Variants in ANKRD26 observed in about 807,000 individuals in gnomAD.
The protein encoded by ANKRD26 is ankyrin repeat domain 26.
A neutral mutation model predicts 208.7 loss-of-function variants in ANKRD26; 141 were observed. The ratio of observed to expected loss-of-function variants is 0.68; its 90% CI spans 0.59 to 0.78. The LOEUF is 0.78. ANKRD26 is among the 30% of genes least tolerant of loss of function. ANKRD26 has a pLI of 0.00. For synonymous variants in ANKRD26, 636 were observed against 660.4 expected (o/e 0.96, Z 0.57); for missense variants, 1,889 against 1,938.7 (o/e 0.97, Z 0.48).
At chr10:27,033,807 T>C (rs1358598851) in intron 24 of ANKRD26, among the ~76,000 whole-genome samples, 1 of 152,172 alleles carries the variant, frequency 6.6e-6, no homozygotes, top group African/African-American at 2.4e-5. Context: ...ATTATTCCAA[T>C]AGATTCCTAT....
At chr10:26,992,752 G>C (rs989923289) in intron 5 of ANKRD26, among the ~76,000 whole-genome samples, 1 of 152,074 alleles carries the variant, frequency 6.6e-6, no homozygotes, top group Non-Finnish European at 1.5e-5. Flanking sequence ...TCTGCCACAA[G>C]TTCCCCAGGA....
chr10:27,057,027 G>A (rs542153134), intron 15 of ANKRD26, among the ~76,000 whole-genome samples: 2 of 152,276 alleles, frequency 1.3e-5, no homozygotes, highest in South Asian at 2.1e-4. Flanking sequence ...CTGTGATACA[G>A]ATAGATATTT....
At chr10:27,011,340 A>G (rs11015452) in intron 32 of ANKRD26, among the ~76,000 whole-genome samples, 14,468 of 152,172 alleles carry the variant, frequency 0.095, 2,217 homozygotes, top group African/African-American at 0.33. Flanking sequence ...CAGTAAAAAC[A>G]CATTACAACC....
the ANKRD26 span, among the ~76,000 whole-genome samples, chr10:26,955,303 C>CT: frequency 6.6e-6 from 1 of 151,872 alleles, no homozygotes; most frequent in African/African-American, 2.4e-5. Context: ...TGGCACATGC[C>CT]TGTAATCCCA....
chr10:27,089,496 A>G (rs2056226236), intron 4 of ANKRD26, among the ~76,000 whole-genome samples: 1 of 152,226 alleles, frequency 6.6e-6, no homozygotes, highest in Non-Finnish European at 1.5e-5. Context: ...CTGAGATAAA[A>G]AAATTCTATA....
intron 5 of ANKRD26, among the ~76,000 whole-genome samples, chr10:26,978,046 C>T (rs539229214): frequency 6.6e-6 from 1 of 152,164 alleles, no homozygotes; most frequent in South Asian, 2.1e-4. Context: ...CTGAATAAGA[C>T]CTGTAATTAT....
At chr10:26,990,347 C>T (rs1008701372), downstream of ANKRD26, among the ~76,000 whole-genome samples, 1 of 152,118 alleles carries the variant, frequency 6.6e-6, no homozygotes. Flanking sequence ...ACTTAGAGTT[C>T]TCTTTAAGAT....
intron 30 of ANKRD26, among the ~76,000 whole-genome samples, chr10:27,015,459 C>T (rs2053259085): frequency 6.6e-6 from 1 of 152,224 alleles, no homozygotes; most frequent in African/African-American, 2.4e-5. Flanking sequence ...TAGGTCTCTT[C>T]ATCTGTAAAA....
At chr10:27,052,389 A>AG (rs1408475004) in intron 16 of ANKRD26, among the ~76,000 whole-genome samples, 1 of 152,298 alleles carries the variant, frequency 6.6e-6, no homozygotes, top group African/African-American at 2.4e-5. Context: ...GATGATTTGT[A>AG]GCATTATAAA....
the ANKRD26 span, among the ~76,000 whole-genome samples, chr10:26,959,446 A>G: frequency 1.3e-5 from 2 of 152,170 alleles, no homozygotes; most frequent in Non-Finnish European, 1.5e-5. Flanking sequence ...GGATGGGGAA[A>G]TGGCAGAATC....
the ANKRD26 span, among the ~76,000 whole-genome samples, chr10:26,950,673 C>T: frequency 6.6e-6 from 1 of 152,250 alleles, no homozygotes; most frequent in Non-Finnish European, 1.5e-5. Context: ...TGGAAGCCTC[C>T]TGAGGCCTCC....
intron 1 of ANKRD26, among the ~76,000 whole-genome samples, chr10:27,096,765 CAAAAAAAAA>C (rs1177909846): frequency 1.4e-5 from 1 of 73,162 alleles, no homozygotes; most frequent in African/African-American, 3.9e-5. Flanking sequence ...GACTCCATCT[CAAAAAAAAA>C]AAAAAAAGAA....
chr10:27,042,823 G>T (rs906336471), intron 20 of ANKRD26, among the ~76,000 whole-genome samples: 2 of 141,524 alleles, frequency 1.4e-5, no homozygotes, highest in African/African-American at 5.2e-5. Context: ...AAAAAAAGCT[G>T]GGTGTGGTGG....
intron 4 of ANKRD26, among the ~76,000 whole-genome samples, chr10:26,981,381 C>T (rs1410317012): frequency 6.6e-6 from 1 of 152,146 alleles, no homozygotes; most frequent in Non-Finnish European, 1.5e-5. Context: ...GTGTGCAATA[C>T]TGATAACAGC....
chr10:27,040,239 C>T, intron 20 of ANKRD26, 61 bp from the exon 21 acceptor site: 1 of 1,197,210 alleles, frequency 8.4e-7, no homozygotes, highest in East Asian at 2.5e-5. Flanking sequence ...ACACACTGTG[C>T]ACTATAACAT....
At chr10:27,032,934 G>A (rs913475726) in intron 25 of ANKRD26, among the ~76,000 whole-genome samples, 5 of 151,666 alleles carry the variant, frequency 3.3e-5, no homozygotes, top group African/African-American at 1.2e-4. Flanking sequence ...AATTAGCCAG[G>A]TGTGGCGGTA....
In ANKRD26 at chr10:27,005,586, T is replaced by C. The variant is rs751086735; in HGVS notation, c.*4A>G. 3.1e-6 allele frequency: 5 copies of C among 1,607,166 alleles called. No individual in the cohort carries two copies. Among genetic ancestry groups the C allele is most frequent in the Middle Eastern group, 1.7e-4 (1 of 5,982 alleles). The stretch of plus-strand genomic sequence containing the variant: ...TAAACAGCCCAGTAATAAAATCTTA[T>C]CTTTCAGATCATATAATTTTTCTTT... On this transcript the variant is annotated 3_prime_UTR_variant, in exon 34 of 34. Transcript: ENST00000376087.
At chr10:27,035,892 G>C in intron 23 of ANKRD26, 140 bp from the exon 24 acceptor site, 2 of 651,722 alleles carry the variant, frequency 3.1e-6, no homozygotes, top group South Asian at 4.4e-5. Flanking sequence ...AAAAAAAGTT[G>C]GATCAAAACT....
Position 27,014,704 on chromosome 10 carries a change from G to A in ANKRD26, c.4514C>T (p.Ala1505Val), listed in dbSNP as rs372044716. ...CTGCTCTAAGTTTTCTTGAGATGCTGCTTGTGCCTAAAACAAATTAAAAGC... is the reference window on the plus strand; with the variant it reads ...CTGCTCTAAGTTTTCTTGAGATGCTACTTGTGCCTAAAACAAATTAAAAGC... ...KEVNLFLQAQ[A>V]ASQENLEQFR... The change falls in exon 31 of 34, where the codon GCA becomes GTA. Residue 1505 changes from alanine to valine, a missense_variant. Around this residue, in one of 3 missense-constraint regions of ANKRD26, gnomAD observed 613 missense variants for 648.2 expected, o/e 0.95. Transcript: ENST00000376087. 25 of 1,611,878 alleles carry A rather than the reference G, an allele frequency of 1.6e-5. No individual in the cohort carries two copies. Among genetic ancestry groups the A allele is most frequent in the Admixed American group, 6.7e-5 (4 of 59,888 alleles).
Sources: allele counts gnomAD v4.1 joint callset (sites outside exome capture counted in the v4.1 genomes callset), GRCh38; gene constraint gnomAD v4.1.1; regional missense constraint gnomAD v4.1.1; transcripts MANE v1.5; gene names NCBI Gene and HGNC (gene_info 2026-07-23, HGNC 2026-07-21).